The following ZC3H11A variants were observed in gnomAD, a reference collection of about 807,000 sequenced individuals.
ZC3H11A encodes zinc finger CCCH domain-containing protein 11A.
ZC3H11A carries 22 observed loss-of-function variants against 90.8 expected under a neutral mutation model. The ratio of observed to expected loss-of-function variants is 0.24; its 90% CI spans 0.17 to 0.35. The LOEUF is 0.35. Ranked by LOEUF, ZC3H11A falls within the 10% of genes least tolerant of loss-of-function variation. The pLI, the probability that ZC3H11A is intolerant of heterozygous loss-of-function variation, is 1.00. For synonymous variants in ZC3H11A, 294 were observed against 339.8 expected, an observed-to-expected ratio of 0.87 and a Z score of 1.48; for missense variants, 701 against 964.9, an observed-to-expected ratio of 0.73 and a Z score of 3.62.
At chr1:203,816,427 C>T (rs2102757363) in intron 2 of ZC3H11A, among the ~76,000 whole-genome samples, 1 of 152,158 alleles carries the variant, frequency 6.6e-6, no homozygotes, top group South Asian at 2.1e-4. Flanking sequence ...AGTTCAAGAC[C>T]AGACTGAACA....
In ZC3H11A at chr1:203,829,907, G is replaced by T; in HGVS notation, c.619+11G>T. ...TCAATATAAAGCAAGGTAAGAAGAG[G>T]CTAGATTGGTGCCTCTTATAGCACT... On this transcript the variant is annotated intron_variant, in intron 7 of 17. Transcript: ENST00000367210. The T allele has an allele frequency of 6.2e-7, 1 of 1,609,970 alleles. No individual in the cohort carries two copies. The highest frequency in any genetic ancestry group is 8.5e-7 in the Non-Finnish European group (1 of 1,176,278).
Position 203,829,575 on chromosome 1 carries a change from A to G in ZC3H11A, c.423A>G (p.Val141=), listed in dbSNP as rs1681600748. ...PSPQLRSVMK[V]ESSENVPSPT... is the part of the protein sequence containing the mutation. ...CTCAGCTGCGGAGCGTTATGAAAGTAGAAAGTTCCGAAAATGTTCCTAGCC... is the reference window on the plus strand; with the variant it reads ...CTCAGCTGCGGAGCGTTATGAAAGTGGAAAGTTCCGAAAATGTTCCTAGCC... The change falls in exon 6 of 18, where the codon GTA becomes GTG. Residue 141 remains valine (V), a synonymous_variant. Transcript: ENST00000367210. 6.2e-7 allele frequency: 1 copy of G among 1,614,052 alleles called. No individual in the cohort carries two copies. The highest frequency in any genetic ancestry group is 8.5e-7 in the Non-Finnish European group (1 of 1,180,034).
At chr1:203,849,543 C>A (rs550658094) in intron 14 of ZC3H11A, among the ~76,000 whole-genome samples, 168 bp from the exon 15 acceptor site, 1 of 152,290 alleles carries the variant, frequency 6.6e-6, no homozygotes, top group South Asian at 2.1e-4. Context: ...TAATTCTAAT[C>A]TTTCATCTTT....
intron 4 of ZC3H11A, among the ~76,000 whole-genome samples, chr1:203,821,030 G>A (rs572258554): frequency 6.6e-6 from 1 of 152,268 alleles, no homozygotes; most frequent in East Asian, 1.9e-4. Context: ...GTTTGGCTCT[G>A]TATCCTCACC....
At chr1:203,815,978 G>A (rs1572047985) in intron 2 of ZC3H11A, among the ~76,000 whole-genome samples, 2 of 152,300 alleles carry the variant, frequency 1.3e-5, no homozygotes, top group African/African-American at 2.4e-5. Context: ...ATTATGGAAA[G>A]CCCCAAAGAC....
Position 203,811,820 on chromosome 1 carries a change from T to G in ZC3H11A, c.-145-5106T>G, listed in dbSNP as rs571785969. Among the ~76,000 whole-genome samples, 333 of 152,036 alleles carry G rather than the reference T, an allele frequency of 2.2e-3. 2 individuals are homozygous for G. Among genetic ancestry groups the G allele is most frequent in the African/African-American group, 7.7e-3 (319 of 41,516 alleles). On this transcript the variant is annotated intron_variant, in intron 2 of 17. Coordinates refer to ENST00000367210, the MANE Select transcript of ZC3H11A (RefSeq NM_001376342.1). ...AAAGTATTCAGATAGCTTTGTCTTTTTCTTTTTTTTTTTTTTTAGACAGGT... is the reference window on the plus strand; with the variant it reads ...AAAGTATTCAGATAGCTTTGTCTTTGTCTTTTTTTTTTTTTTTAGACAGGT...
rs1190707741 is a variant in ZC3H11A, at chr1:203,851,097, T to G, written c.2147T>G (p.Val716Gly). Reference sequence around the variant, plus strand: ...GTCTCTGAGGACAAATCAGTCACTGTGCCTGAAGCAGAAAATCCTAGAGAC... The same window carrying G: ...GTCTCTGAGGACAAATCAGTCACTGGGCCTGAAGCAGAAAATCCTAGAGAC... The part of the protein sequence containing the change: ...PLVSEDKSVT[V>G]PEAENPRDSL... The change falls in exon 17 of 18, where the codon GTG becomes GGG. Residue 716 changes from valine (V) to glycine (G), a missense_variant. Around this residue, in one of 4 missense-constraint regions of ZC3H11A, gnomAD observed 91 missense variants for 86.8 expected, o/e 1.05. Transcript: ENST00000367210. 6.2e-7 allele frequency: 1 copy of G among 1,614,226 alleles called. No homozygotes were observed.
intron 8 of ZC3H11A, among the ~76,000 whole-genome samples, chr1:203,831,180 G>T (rs1682231867): frequency 6.6e-6 from 1 of 151,816 alleles, no homozygotes; most frequent in Non-Finnish European, 1.5e-5. Flanking sequence ...CCAACCTCAG[G>T]TAATCCACTG....
chr1:203,805,895 G>T, intron 2 of ZC3H11A: 2 of 722,964 alleles, frequency 2.8e-6, no homozygotes, highest in Admixed American at 1.8e-5. Flanking sequence ...TTCTCAATCT[G>T]GTCAGTTTTC....
At chr1:203,825,369 CT>C (rs1386869406) in intron 4 of ZC3H11A, among the ~76,000 whole-genome samples, 2 of 150,080 alleles carry the variant, frequency 1.3e-5, no homozygotes, top group East Asian at 1.9e-4. Flanking sequence ...GGATCATGTG[CT>C]GTATTACTGT....
intron 2 of ZC3H11A, among the ~76,000 whole-genome samples, chr1:203,807,478 T>A (rs538707320): frequency 6.6e-6 from 1 of 151,838 alleles, no homozygotes; most frequent in Non-Finnish European, 1.5e-5. Flanking sequence ...GACTGTTTTT[T>A]GGGTTTGTAA....
At chr1:203,844,901 A>G (rs758244745) in intron 12 of ZC3H11A, among the ~76,000 whole-genome samples, 4 of 151,958 alleles carry the variant, frequency 2.6e-5, no homozygotes, top group African/African-American at 4.8e-5. Context: ...CTCCAGCCCC[A>G]ACATCTTCAT....
At chr1:203,826,320 A>G (rs922917987) in intron 4 of ZC3H11A, among the ~76,000 whole-genome samples, 1 of 151,544 alleles carries the variant, frequency 6.6e-6, no homozygotes. Context: ...TTTAAAAAAT[A>G]TTATACTTTT....
At chr1:203,842,590 G>GGGAGACC (rs1286756834) in intron 12 of ZC3H11A, among the ~76,000 whole-genome samples, 3 of 151,250 alleles carry the variant, frequency 2.0e-5, no homozygotes, top group African/African-American at 7.3e-5. Flanking sequence ...TGGCATCAGA[G>GGGAGACC]GGAGACCGGG....
intron 3 of ZC3H11A, 101 bp downstream of exon 3, chr1:203,817,225 T>A (rs1325556299): frequency 2.1e-6 from 2 of 955,778 alleles, no homozygotes; most frequent in Non-Finnish European, 2.9e-6. Context: ...ATATATATAT[T>A]TTTTGCCCAA....
chr1:203,810,088 T>A (rs1673848055), intron 2 of ZC3H11A, among the ~76,000 whole-genome samples: 1 of 151,748 alleles, frequency 6.6e-6, no homozygotes, highest in Non-Finnish European at 1.5e-5. Context: ...TAGTATTGAT[T>A]ATAAAGTCAT....
rs372621535 is a variant in ZC3H11A, at chr1:203,850,191, A to T, written c.1939+165A>T. 5 of 698,112 alleles carry T rather than the reference A, an allele frequency of 7.2e-6. No individual in the cohort carries two copies. In the African/African-American group the frequency reaches 9.0e-5, roughly 13 times the overall value. 43.2% of individuals were successfully genotyped at this position (698,112 alleles called of 1,614,324 possible). A position where few individuals can be genotyped will look rare whatever the true frequency, so the allele number is the denominator to read the frequency against. On this transcript the variant is annotated intron_variant, in intron 15 of 17. Coordinates refer to ENST00000367210, the MANE Select transcript of ZC3H11A (RefSeq NM_001376342.1). ...TATTTTTATACAGAGGCAAAACGAGATGAATTCTTTTCTCAGAATTTAAAA... is the reference window on the plus strand; with the variant it reads ...TATTTTTATACAGAGGCAAAACGAGTTGAATTCTTTTCTCAGAATTTAAAA...
intron 12 of ZC3H11A, 148 bp from the exon 13 acceptor site, chr1:203,847,036 G>T (rs1688100593): frequency 3.5e-6 from 3 of 865,842 alleles, no homozygotes; most frequent in African/African-American, 1.7e-5. Context: ...AAAAGGAAAA[G>T]AAATAAATGT....
At chr1:203,818,448 T>G in intron 3 of ZC3H11A, 122 bp from the exon 4 acceptor site, 1 of 1,320,230 alleles carries the variant, frequency 7.6e-7, no homozygotes, top group South Asian at 1.4e-5. Flanking sequence ...CCATTGTTTT[T>G]TACCTTACCA....
Sources: gnomAD v4.1 joint callset for allele counts (sites outside exome capture counted in the v4.1 genomes callset) on GRCh38, gnomAD v4.1.1 for gene constraint, gnomAD v4.1.1 regional missense constraint, MANE v1.5 for transcripts, NCBI Gene and HGNC (gene_info 2026-07-23, HGNC 2026-07-21) for gene names.